The following C19orf53 variants were observed in gnomAD, a reference collection of about 807,000 sequenced individuals.
C19orf53 encodes leydig cell tumor 10 kDa protein homolog.
Under a neutral mutation model 6.5 loss-of-function variants are expected in C19orf53, and 9 were observed. The ratio of observed to expected loss-of-function variants is 1.38; its 90% CI spans 0.83 to 2.40. The LOEUF (loss-of-function observed/expected upper bound fraction) is 2.40, where lower values mean the gene tolerates loss of function less well. Among genes scored for constraint, C19orf53 ranks in the 30% most tolerant of loss-of-function variants. C19orf53 has a pLI of 0.00. For synonymous variants in C19orf53, 68 were observed against 52.5 expected, an observed-to-expected ratio of 1.29 and a Z score of -1.27; for missense variants, 166 against 129.7, an observed-to-expected ratio of 1.28 and a Z score of -1.36.
chr19:13,778,331 G>A lies in C19orf53; in HGVS notation c.*133G>A. 8.0e-6 allele frequency: 9 copies of A among 1,123,000 alleles called. No individual in the cohort carries two copies. The highest frequency in any genetic ancestry group is 1.1e-5 in the Non-Finnish European group (9 of 831,440). The allele number at this position is 1,123,000 out of a possible 1,614,324, so 69.6% of individuals were successfully genotyped here. On this transcript the variant is annotated 3_prime_UTR_variant, in exon 3 of 3. Transcript: ENST00000588234. ...ACTGGGCTTCACCTAGAACTTCAGTGGGGGCCAAGGGTGCTGAGAACCCAG... is the reference window on the plus strand; with the variant it reads ...ACTGGGCTTCACCTAGAACTTCAGTAGGGGCCAAGGGTGCTGAGAACCCAG...
At chr19:13,776,619 C>T (rs571206659) in intron 2 of C19orf53, among the ~76,000 whole-genome samples, 6 of 152,302 alleles carry the variant, frequency 3.9e-5, no homozygotes, top group East Asian at 1.9e-4. Context: ...CCCTCCTTCC[C>T]GGAGCCCTTC....
At chr19:13,774,902 G>T in intron 2 of C19orf53, 195 bp downstream of exon 2, 1 of 718,934 alleles carries the variant, frequency 1.4e-6, no homozygotes, top group Non-Finnish European at 2.2e-6. Context: ...GCGCAGAGAG[G>T]GGTAAGAGGT....
chr19:13,774,842 C>A (rs1974350084), intron 2 of C19orf53, 135 bp downstream of exon 2: 1 of 1,225,830 alleles, frequency 8.2e-7, no homozygotes, highest in Non-Finnish European at 1.1e-6. Flanking sequence ...GAGCTAGGAG[C>A]GAGGGGATAG....
At chr19:13,777,385 A>G (rs144610174) in intron 2 of C19orf53, among the ~76,000 whole-genome samples, 116 of 151,874 alleles carry the variant, frequency 7.6e-4, no homozygotes, top group African/African-American at 2.7e-3. Context: ...GCACCAGCAC[A>G]CCGTGCTAAT....
At position 13,778,130 on chromosome 19, in the gene C19orf53, G is replaced by A; in HGVS notation, c.232G>A (p.Ala78Thr). 1 of 1,613,302 alleles carries A rather than the reference G, an allele frequency of 6.2e-7. No homozygotes were observed. Among genetic ancestry groups the A allele is most frequent in the Non-Finnish European group, 8.5e-7 (1 of 1,179,520 alleles). ...CAGCAGCAGCCTGCCCAAGAAGCTG[G>A]CACTGCTGAAGGCCCCAGCCAAGAA... ...KASSSLPKKL[A>T]LLKAPAKKKG... Residue 78 changes from alanine (A) to threonine (T), a missense_variant, in exon 3 of 3, where the codon GCA becomes ACA. Transcript: ENST00000588234.
intron 2 of C19orf53, among the ~76,000 whole-genome samples, chr19:13,776,363 C>T (rs1568315720): frequency 6.6e-6 from 1 of 151,902 alleles, no homozygotes; most frequent in African/African-American, 2.4e-5. Flanking sequence ...CATTTCCCAC[C>T]GGGACCAGTG....
At chr19:13,777,905 C>T (rs1974386486) in intron 2 of C19orf53, 147 bp from the exon 3 acceptor site, 1 of 1,023,776 alleles carries the variant, frequency 9.8e-7, no homozygotes, top group Admixed American at 2.5e-5. Flanking sequence ...GGACTTAAAC[C>T]CCAGCCACCA....
intron 2 of C19orf53, 111 bp downstream of exon 2, chr19:13,774,818 T>A: frequency 7.3e-7 from 1 of 1,369,226 alleles, no homozygotes; most frequent in Non-Finnish European, 1.0e-6. Flanking sequence ...GGGGAGAGGG[T>A]GGATCCTGGG....
intron 2 of C19orf53, among the ~76,000 whole-genome samples, chr19:13,775,078 G>C (rs1974354188): frequency 6.6e-6 from 1 of 152,090 alleles, no homozygotes; most frequent in Non-Finnish European, 1.5e-5. Flanking sequence ...AGGGGTGCAG[G>C]AACACCACTT....
At chr19:13,775,638 T>G (rs940930701) in intron 2 of C19orf53, 1 of 152,134 alleles carries the variant, frequency 6.6e-6, no homozygotes, top group Non-Finnish European at 1.5e-5. Flanking sequence ...GTAAAGAAGT[T>G]GGAAGGAGAT....
intron 2 of C19orf53, chr19:13,774,908 G>A (rs1974351430): frequency 1.5e-6 from 1 of 688,180 alleles, no homozygotes; most frequent in Non-Finnish European, 2.4e-6. Flanking sequence ...AGAGGGGTAA[G>A]AGGTGGAAGC....
In C19orf53 at chr19:13,778,245, A is replaced by G. The variant is rs748870508; in HGVS notation, c.*47A>G. 2.0e-6 allele frequency: 3 copies of G among 1,509,780 alleles called. No homozygotes were observed. Among genetic ancestry groups the G allele is most frequent in the Non-Finnish European group, 2.7e-6 (3 of 1,125,882 alleles). The allele number at this position is 1,509,780 out of a possible 1,614,324, so 93.5% of individuals were successfully genotyped here. Reference sequence around the variant, plus strand: ...CCAACATCCCACCCCCTACCTCCATATGGGACCTTGCAAGTCATCCCACAG... The same window carrying G: ...CCAACATCCCACCCCCTACCTCCATGTGGGACCTTGCAAGTCATCCCACAG... On this transcript the variant is annotated 3_prime_UTR_variant, in exon 3 of 3. Coordinates refer to ENST00000588234, the MANE Select transcript of C19orf53 (RefSeq NM_014047.3).
At chr19:13,777,105 C>G (rs1326472159) in intron 2 of C19orf53, among the ~76,000 whole-genome samples, 1 of 152,072 alleles carries the variant, frequency 6.6e-6, no homozygotes, top group Non-Finnish European at 1.5e-5. Context: ...GCGCCCGCCA[C>G]CACACCTGGC....
rs746195326 is a variant in C19orf53, at chr19:13,774,725, A to C, written c.153+18A>C. The C allele has an allele frequency of 6.3e-7, 1 of 1,589,966 alleles. No homozygotes were observed. Among genetic ancestry groups the C allele is most frequent in the Non-Finnish European group, 8.6e-7 (1 of 1,164,038 alleles). ...TCAAGAAGGTGTGCGGGGGCGAGAG[A>C]TGGAGCCCGGAGGGCGGCGAGTAGC... On this transcript the variant is annotated intron_variant, in intron 2 of 2. Transcript: ENST00000588234.
At chr19:13,776,380 C>T (rs1273868903) in intron 2 of C19orf53, among the ~76,000 whole-genome samples, 4 of 152,018 alleles carry the variant, frequency 2.6e-5, no homozygotes, top group African/African-American at 7.3e-5. Context: ...AGTGCAGCCA[C>T]CTTCTCCCTT....
intron 2 of C19orf53, 147 bp downstream of exon 2, chr19:13,774,854 GC>G: frequency 9.2e-7 from 1 of 1,091,344 alleles, no homozygotes; most frequent in South Asian, 1.6e-5. Flanking sequence ...AGGGGATAGA[GC>G]CAGGGGCCGC....
rs1974391928 is a variant in C19orf53, at chr19:13,778,427, G to A, written c.*229G>A. On this transcript the variant is annotated 3_prime_UTR_variant, in exon 3 of 3. Coordinates refer to ENST00000588234, the MANE Select transcript of C19orf53 (RefSeq NM_014047.3). ...CCCTTCCCAGGTCCTGCCTCCACAGGTTTAACCCAGAACAATAAACCTGGC... is the reference window on the plus strand; with the variant it reads ...CCCTTCCCAGGTCCTGCCTCCACAGATTTAACCCAGAACAATAAACCTGGC... 2.3e-6 allele frequency: 1 copy of A among 443,968 alleles called. No individual in the cohort carries two copies. Among genetic ancestry groups the A allele is most frequent in the South Asian group, 5.0e-5 (1 of 20,190 alleles). The allele number at this position is 443,968 out of a possible 1,614,324, so 27.5% of individuals were successfully genotyped here.
In C19orf53 at chr19:13,778,118, C is replaced by T; in HGVS notation, c.220C>T (p.Pro74Ser). The change falls in exon 3 of 3, where the codon CCC becomes TCC. Residue 74 changes from proline (P) to serine (S), a missense_variant. Transcript: ENST00000588234. ...DVVMKASSSL[P>S]KKLALLKAPA... The stretch of plus-strand genomic sequence containing the variant: ...GGTGATGAAAGCCAGCAGCAGCCTG[C>T]CCAAGAAGCTGGCACTGCTGAAGGC... 4 of 1,613,232 alleles carry T rather than the reference C, an allele frequency of 2.5e-6. No homozygotes were observed. Among genetic ancestry groups the T allele is most frequent in the Non-Finnish European group, 3.4e-6 (4 of 1,179,484 alleles).
intron 2 of C19orf53, chr19:13,775,036 G>A (rs575649441): frequency 2.2e-6 from 1 of 453,680 alleles, no homozygotes; most frequent in Non-Finnish European, 3.9e-6. Context: ...AGGACTCCCA[G>A]CTCTGTGGGC....
Sources: gnomAD v4.1 joint callset for allele counts (sites outside exome capture counted in the v4.1 genomes callset) on GRCh38, gnomAD v4.1.1 for gene constraint, MANE v1.5 for transcripts, NCBI Gene and HGNC (gene_info 2026-07-23, HGNC 2026-07-21) for gene names.